Variants in PTGER2 observed in about 807,000 individuals in gnomAD.
PTGER2 encodes prostaglandin E receptor 2.
Under a neutral mutation model 26.2 loss-of-function variants are expected in PTGER2, and 22 were observed. That is an observed-to-expected ratio of 0.84 (90% CI 0.60 to 1.20). The LOEUF (loss-of-function observed/expected upper bound fraction) is 1.20, where lower values mean the gene tolerates loss of function less well. Among genes scored for constraint, PTGER2 ranks in the 50% most tolerant of loss-of-function variants. The pLI, the probability that PTGER2 is intolerant of heterozygous loss-of-function variation, is 0.00. For synonymous variants in PTGER2, 219 were observed against 208.9 expected (o/e 1.05, Z -0.42); for missense variants, 458 against 475.2 (o/e 0.96, Z 0.34).
Position 52,314,622 on chromosome 14 carries a change from C to T in PTGER2, c.74C>T (p.Pro25Leu), listed in dbSNP as rs1301629313. 1 of 1,511,180 alleles carries T rather than the reference C, an allele frequency of 6.6e-7. No individual in the cohort carries two copies. The allele number at this position is 1,511,180 out of a possible 1,614,324, so 93.6% of individuals were successfully genotyped here. A position where few individuals can be genotyped will look rare whatever the true frequency, so the allele number is the denominator to read the frequency against. The change falls in exon 1 of 2, where the codon CCA (proline) becomes CTA (leucine). Residue 25 changes from proline (P) to leucine (L), a missense_variant. By Grantham distance (98) the Pro-to-Leu change is moderately conservative. Transcript: ENST00000245457. This position sits in a 1 kb window ranked among gnomAD's most constrained non-coding sequence, Gnocchi z 5.7. ...TRQWLPPGES[P>L]AISSVMFSAG... ...CAGTGGCTTCCCCCAGGCGAAAGCC[C>T]AGCCATCAGCTCCGTCATGTTCTCG...
In PTGER2 at chr14:52,314,941, C is replaced by T. The variant is rs1453159389; in HGVS notation, c.393C>T (p.Ala131=). 6.2e-7 allele frequency: 1 copy of T among 1,612,964 alleles called. No homozygotes were observed. ...CGATGCTCATGCTCTTCGCCATGGC[C>T]CTGGAGCGCTACCTCTCGATCGGGC... The part of the protein sequence containing the change: ...LATMLMLFAM[A]LERYLSIGHP... Residue 131 remains alanine, a synonymous_variant, in exon 1 of 2, where the codon GCC becomes GCT. Coordinates refer to ENST00000245457, the MANE Select transcript of PTGER2 (RefSeq NM_000956.4). The surrounding 1 kb of genome is among the most constrained non-coding windows in gnomAD (Gnocchi z 5.7).
intron 1 of PTGER2, among the ~76,000 whole-genome samples, chr14:52,326,480 T>C (rs2033952365): frequency 6.6e-6 from 1 of 152,216 alleles, no homozygotes; most frequent in Non-Finnish European, 1.5e-5. Flanking sequence ...CTTCCTATCA[T>C]CCTTTCAGCA....
chr14:52,326,097 A>G (rs1466978537), intron 1 of PTGER2, among the ~76,000 whole-genome samples: 1 of 152,204 alleles, frequency 6.6e-6, no homozygotes, highest in African/African-American at 2.4e-5. Context: ...ATCTTTATCA[A>G]GATGCATTAT....
chr14:52,317,500 T>C (rs937943075), intron 1 of PTGER2, among the ~76,000 whole-genome samples: 10 of 152,346 alleles, frequency 6.6e-5, no homozygotes, highest in African/African-American at 1.9e-4. Flanking sequence ...TTGTTTTCCC[T>C]CCCTCAGTTA....
intron 1 of PTGER2, among the ~76,000 whole-genome samples, chr14:52,323,685 G>A (rs986458007): frequency 2.0e-5 from 3 of 152,224 alleles, no homozygotes; most frequent in Non-Finnish European, 4.4e-5. Context: ...CCTGGTCAGT[G>A]CCAAAATGAA....
chr14:52,314,899 C>G lies in PTGER2; in HGVS notation c.351C>G (p.Thr117=), dbSNP rs1566494339. Reference sequence around the variant, plus strand: ...GCACCTACTTCGCTTTCGCCATGACCTTCTTCAGCCTGGCCACGATGCTCA... The same window carrying G: ...GCACCTACTTCGCTTTCGCCATGACGTTCTTCAGCCTGGCCACGATGCTCA... The part of the protein sequence containing the change: ...RACTYFAFAM[T]FFSLATMLML... The change falls in exon 1 of 2, where the codon ACC becomes ACG. Residue 117 remains threonine (T), a synonymous_variant. Transcript: ENST00000245457. This position sits in a 1 kb window ranked among gnomAD's most constrained non-coding sequence, Gnocchi z 5.7. The G allele has an allele frequency of 6.2e-7, 1 of 1,612,652 alleles. No individual in the cohort carries two copies. The highest frequency in any genetic ancestry group is 8.5e-7 in the Non-Finnish European group (1 of 1,179,766).
At position 52,322,332 on chromosome 14, in the gene PTGER2, T is replaced by C. The variant is rs544509201; in HGVS notation, c.844-4889T>C. ...CAGGGAGTAGGTCACAAAGATCACA[T>C]GCTTCAAAGGGGAAAAAGGAGAACA... On this transcript the variant is annotated intron_variant, in intron 1 of 1. Coordinates refer to ENST00000245457, the MANE Select transcript of PTGER2 (RefSeq NM_000956.4). Among the ~76,000 whole-genome samples, 9 of 152,036 alleles carry C rather than the reference T, an allele frequency of 5.9e-5. No homozygotes were observed. The East Asian group carries it at 1.7e-3, about 29-fold the overall frequency.
chr14:52,323,953 ACT>A (rs2140039352), intron 1 of PTGER2, among the ~76,000 whole-genome samples: 1 of 152,340 alleles, frequency 6.6e-6, no homozygotes, highest in East Asian at 1.9e-4. Flanking sequence ...GCCGAATATC[ACT>A]GACATATTAT....
chr14:52,326,673 C>G (rs1012902404), intron 1 of PTGER2, among the ~76,000 whole-genome samples: 3 of 152,146 alleles, frequency 2.0e-5, no homozygotes, highest in Non-Finnish European at 4.4e-5. Context: ...GACCCTGTCT[C>G]GCTGAATTGT....
intron 1 of PTGER2, among the ~76,000 whole-genome samples, chr14:52,320,470 G>A (rs944431842): frequency 6.6e-6 from 1 of 152,102 alleles, no homozygotes; most frequent in African/African-American, 2.4e-5. Context: ...TTCTGGAGAT[G>A]GTATATTTCT....
At chr14:52,319,913 C>T (rs1248717191) in intron 1 of PTGER2, among the ~76,000 whole-genome samples, 2 of 152,148 alleles carry the variant, frequency 1.3e-5, no homozygotes, top group Non-Finnish European at 2.9e-5. Flanking sequence ...CTTGGCAATA[C>T]AAAACAAACT....
At chr14:52,318,324 T>TGCAAGCCACAAAC (rs1223426116) in intron 1 of PTGER2, among the ~76,000 whole-genome samples, 3 of 152,098 alleles carry the variant, frequency 2.0e-5, no homozygotes, top group Non-Finnish European at 2.9e-5. Flanking sequence ...GAACCACAAA[T>TGCAAGCCACAAAC]GCAAGCCACA....
At chr14:52,325,343 A>G (rs2033939569) in intron 1 of PTGER2, among the ~76,000 whole-genome samples, 1 of 152,202 alleles carries the variant, frequency 6.6e-6, no homozygotes. Flanking sequence ...TTCTCCCCTG[A>G]AAACCTGACT....
Position 52,314,587 on chromosome 14 carries a change from C to T in PTGER2, c.39C>T (p.Cys13=). ...NASNDSQSED[C]ETRQWLPPGE... ...CCAATGACTCCCAGTCTGAGGACTG[C>T]GAGACGCGACAGTGGCTTCCCCCAG... Residue 13 remains cysteine, a synonymous_variant, in exon 1 of 2, where the codon TGC becomes TGT. Transcript: ENST00000245457. The surrounding 1 kb of genome is among the most constrained non-coding windows in gnomAD (Gnocchi z 5.7). The T allele has an allele frequency of 2.0e-6, 3 of 1,508,826 alleles. No homozygotes were observed. Among genetic ancestry groups the T allele is most frequent in the South Asian group, 1.3e-5 (1 of 74,506 alleles). The allele number at this position is 1,508,826 out of a possible 1,614,324, so 93.5% of individuals were successfully genotyped here. A position where few individuals can be genotyped will look rare whatever the true frequency, so the allele number is the denominator to read the frequency against.
rs1415284923 is a variant in PTGER2, at chr14:52,328,199, A to C, written c.*745A>C. On this transcript the variant is annotated 3_prime_UTR_variant, in exon 2 of 2. Transcript: ENST00000245457. Reference sequence around the variant, plus strand: ...TAATAGAAATGTCTCAAGGCAGTTAATTCTCATTAATACTCTTTATTTATC... The same window carrying C: ...TAATAGAAATGTCTCAAGGCAGTTACTTCTCATTAATACTCTTTATTTATC... 4 of 149,418 alleles carry C rather than the reference A, an allele frequency of 2.7e-5. No individual in the cohort carries two copies. The highest frequency in any genetic ancestry group is 6.7e-5 in the Admixed American group (1 of 14,924). The allele number at this position is 149,418 out of a possible 1,614,324, so 9.3% of individuals were successfully genotyped here. A position where few individuals can be genotyped will look rare whatever the true frequency, so the allele number is the denominator to read the frequency against.
chr14:52,315,218 C>G lies in PTGER2; in HGVS notation c.670C>G (p.Arg224Gly), dbSNP rs201355660. The G allele has an allele frequency of 2.5e-6, 4 of 1,611,374 alleles. No individual in the cohort carries two copies. Among genetic ancestry groups the G allele is most frequent in the Non-Finnish European group, 3.4e-6 (4 of 1,179,936 alleles). Residue 224 changes from arginine (R) to glycine (G), a missense_variant, in exon 1 of 2, where the codon CGC becomes GGC. Transcript: ENST00000245457. ...CNFSVILNLI[R>G]MHRRSRRSRC... ...CTTCAGTGTCATTCTCAACCTCATC[C>G]GCATGCACCGCCGAAGCCGGAGAAG...
intron 1 of PTGER2, among the ~76,000 whole-genome samples, chr14:52,322,953 CAT>C (rs1332727251): frequency 1.3e-5 from 2 of 152,158 alleles, no homozygotes; most frequent in Admixed American, 1.3e-4. Context: ...TGTTCAAACA[CAT>C]ATGTTTTACA....
Position 52,314,422 on chromosome 14 carries a change from A to C in PTGER2, c.-127A>C. On this transcript the variant is annotated 5_prime_UTR_variant, in exon 1 of 2. Transcript: ENST00000245457. This position sits in a 1 kb window ranked among gnomAD's most constrained non-coding sequence, Gnocchi z 5.7. ...CGCCGTCGGCGCGCTGGGTGCGGGAAGGGGGCTCTGGATTTCGGTCCCTCC... is the reference window on the plus strand; with the variant it reads ...CGCCGTCGGCGCGCTGGGTGCGGGACGGGGGCTCTGGATTTCGGTCCCTCC... 1 of 1,129,886 alleles carries C rather than the reference A, an allele frequency of 8.9e-7. No individual in the cohort carries two copies. Among genetic ancestry groups the C allele is most frequent in the Admixed American group, 3.4e-5 (1 of 29,342 alleles). 70.0% of individuals were successfully genotyped at this position (1,129,886 alleles called of 1,614,324 possible). A position where few individuals can be genotyped will look rare whatever the true frequency, so the allele number is the denominator to read the frequency against.
At chr14:52,324,979 A>T (rs553724390) in intron 1 of PTGER2, among the ~76,000 whole-genome samples, 2 of 152,224 alleles carry the variant, frequency 1.3e-5, no homozygotes, top group Admixed American at 1.3e-4. Flanking sequence ...TCTCTACTAA[A>T]AATACAAAAA....
Sources: allele counts gnomAD v4.1 joint callset (sites outside exome capture counted in the v4.1 genomes callset), GRCh38; gene constraint gnomAD v4.1.1; non-coding constraint Gnocchi (gnomAD v3.1); transcripts MANE v1.5; gene names NCBI Gene and HGNC (gene_info 2026-07-23, HGNC 2026-07-21).